Variants in GINS3 observed in about 807,000 individuals in gnomAD.
GINS3 encodes GINS complex subunit 3, also known as DNA replication complex GINS protein PSF3.
In GINS3, 18 loss-of-function variants were observed where a neutral mutation model predicts 20.0. That is an observed-to-expected ratio of 0.90 (90% CI 0.62 to 1.33). The LOEUF (loss-of-function observed/expected upper bound fraction) is 1.33. GINS3 is among the 40% of genes most tolerant of loss of function. The pLI is 0.00. For synonymous variants in GINS3, 109 were observed against 107.0 expected, an observed-to-expected ratio of 1.02 and a Z score of -0.12; for missense variants, 254 against 273.6, an observed-to-expected ratio of 0.93 and a Z score of 0.51.
At chr16:58,401,607 A>G (rs900278506) in intron 1 of GINS3, among the ~76,000 whole-genome samples, 4 of 152,248 alleles carry the variant, frequency 2.6e-5, no homozygotes, top group African/African-American at 9.7e-5. Context: ...AGCTAGATAC[A>G]GAGCACTGAT....
intron 1 of GINS3, among the ~76,000 whole-genome samples, chr16:58,394,372 G>A (rs1567534541): frequency 6.6e-6 from 1 of 151,930 alleles, no homozygotes; most frequent in African/African-American, 2.4e-5. Flanking sequence ...TTTTTGACAC[G>A]GAGTTACCCT....
chr16:58,403,224 A>T lies in GINS3; in HGVS notation c.313A>T (p.Asn105Tyr), dbSNP rs769209040. ...GAGGACTGTGTTCAGTGCAGATCCC[A>T]ATGTGGTGGACCTCCACAAAATGGG... ...GWRTVFSADP[N>Y]VVDLHKMGPH... is the part of the protein sequence containing the mutation. Residue 105 changes from asparagine (N) to tyrosine (Y), a missense_variant, in exon 2 of 3, where the codon AAT (asparagine) becomes TAT (tyrosine). Physicochemically the swap from Asn to Tyr is moderately radical, Grantham distance 143. Transcript: ENST00000318129. 21 of 1,614,010 alleles carry T rather than the reference A, an allele frequency of 1.3e-5. No individual in the cohort carries two copies. The highest frequency in any genetic ancestry group is 1.5e-5 in the Non-Finnish European group (18 of 1,180,028).
At chr16:58,393,434 G>C (rs1269982739) in intron 1 of GINS3, 1 of 152,202 alleles carries the variant, frequency 6.6e-6, no homozygotes, top group Non-Finnish European at 1.5e-5. Context: ...AACATGGCTT[G>C]TAATGATTAA....
In GINS3 at chr16:58,403,365, A is replaced by T. The variant is rs756321580; in HGVS notation, c.420+34A>T. 6 of 1,531,598 alleles carry T rather than the reference A, an allele frequency of 3.9e-6. No individual in the cohort carries two copies. In the Admixed American group the frequency reaches 8.5e-5, roughly 22 times the overall value. The allele number at this position is 1,531,598 out of a possible 1,614,324, so 94.9% of individuals were successfully genotyped here. The stretch of plus-strand genomic sequence containing the variant: ...TGGGTGTGAAAACCTGTGGTGCTGC[A>T]CTTGTCTCAAGAGCCAGCCACAGAT... On this transcript the variant is annotated intron_variant, in intron 2 of 2. Transcript: ENST00000318129.
intron 1 of GINS3, among the ~76,000 whole-genome samples, chr16:58,396,549 G>A (rs1965865110): frequency 1.3e-4 from 1 of 7,518 alleles, no homozygotes; most frequent in African/African-American, 8.9e-4. Flanking sequence ...GGACGGGGCG[G>A]CTGGTCGGGC....
chr16:58,402,900 C>G (rs980424864), intron 1 of GINS3, 198 bp from the exon 2 acceptor site: 1 of 580,522 alleles, frequency 1.7e-6, no homozygotes, highest in Non-Finnish European at 3.1e-6. Context: ...TCCATTTTCT[C>G]TCTCCATTCC....
intron 1 of GINS3, among the ~76,000 whole-genome samples, chr16:58,402,236 C>T (rs1012667536): frequency 2.6e-5 from 4 of 152,070 alleles, no homozygotes; most frequent in Admixed American, 6.6e-5. Context: ...CTGGAATTTC[C>T]ATTTGATTTC....
chr16:58,395,176 A>G (rs1270901938), intron 1 of GINS3: 3 of 427,184 alleles, frequency 7.0e-6, no homozygotes, highest in Non-Finnish European at 1.2e-5. Context: ...CCCAGGCTCC[A>G]GAGATCCTCC....
intron 1 of GINS3, among the ~76,000 whole-genome samples, chr16:58,401,234 G>A (rs140956426): frequency 0.012 from 1,831 of 152,194 alleles, 49 homozygotes; most frequent in African/African-American, 0.041. Context: ...AGATGTGTCC[G>A]GAGTTTCTTT....
At position 58,405,418 on chromosome 16, in the gene GINS3, A is replaced by C. The variant is rs993185476; in HGVS notation, c.*689A>C. On this transcript the variant is annotated 3_prime_UTR_variant, in exon 3 of 3. Coordinates refer to ENST00000318129, the MANE Select transcript of GINS3 (RefSeq NM_022770.4). Reference sequence around the variant, plus strand: ...AGTCAACCCAGAAGGGAAATGGTTAAACTGAGCTTGTTATTGCCTCGGAGA... The same window carrying C: ...AGTCAACCCAGAAGGGAAATGGTTACACTGAGCTTGTTATTGCCTCGGAGA... 3.9e-5 allele frequency: 6 copies of C among 152,284 alleles called. No homozygotes were observed. The highest frequency in any genetic ancestry group is 4.4e-5 in the Non-Finnish European group (3 of 68,088). The allele number at this position is 152,284 out of a possible 1,614,324, so 9.4% of individuals were successfully genotyped here.
In GINS3 at chr16:58,405,628, C is replaced by T. The variant is rs1402903645; in HGVS notation, c.*899C>T. On this transcript the variant is annotated 3_prime_UTR_variant, in exon 3 of 3. Transcript: ENST00000318129. ...ATCTAACATTGCAAGTGTAAATGGG[C>T]AAGAAGCCTCCGTTGTGCTTTTTTT... 6.6e-6 allele frequency: 1 copy of T among 152,192 alleles called. No homozygotes were observed. Among genetic ancestry groups the T allele is most frequent in the Non-Finnish European group, 1.5e-5 (1 of 68,030 alleles). 9.4% of individuals were successfully genotyped at this position (152,192 alleles called of 1,614,324 possible). A position where few individuals can be genotyped will look rare whatever the true frequency, so the allele number is the denominator to read the frequency against.
chr16:58,397,395 C>T (rs1174570004), intron 1 of GINS3, among the ~76,000 whole-genome samples: 1 of 146,408 alleles, frequency 6.8e-6, no homozygotes, highest in South Asian at 2.2e-4. Flanking sequence ...CCTCACTTCC[C>T]AGACGGGGTG....
At chr16:58,402,829 TGTTA>T (rs758295488) in intron 1 of GINS3, 11 of 509,024 alleles carry the variant, frequency 2.2e-5, no homozygotes, top group Middle Eastern at 5.3e-4. Context: ...AATTTTTATG[TGTTA>T]GTTAGAAAAC....
Position 58,404,810 on chromosome 16 carries a change from A to C in GINS3, c.*81A>C, listed in dbSNP as rs1966007811. 13 of 965,718 alleles carry C rather than the reference A, an allele frequency of 1.3e-5. No individual in the cohort carries two copies. The East Asian group carries it at 3.4e-4, about 25-fold the overall frequency. The allele number at this position is 965,718 out of a possible 1,614,324, so 59.8% of individuals were successfully genotyped here. On this transcript the variant is annotated 3_prime_UTR_variant, in exon 3 of 3. Transcript: ENST00000318129. ...ATAGGAGCTGGTTGACCTTGTACAG[A>C]ACCAGAATCCTGTCCCATTTCATGG... is the stretch of plus-strand genomic sequence containing the variant.
At chr16:58,399,277 A>AC (rs986140779) in intron 1 of GINS3, among the ~76,000 whole-genome samples, 7 of 148,448 alleles carry the variant, frequency 4.7e-5, no homozygotes, top group African/African-American at 1.8e-4. Flanking sequence ...ACAGAACAGG[A>AC]CCCCCTCTCT....
At chr16:58,401,132 T>C (rs948309232) in intron 1 of GINS3, among the ~76,000 whole-genome samples, 1 of 152,140 alleles carries the variant, frequency 6.6e-6, no homozygotes, top group African/African-American at 2.4e-5. Context: ...CTCGCTGGTC[T>C]CGCTGACTTC....
rs554811349 is a variant in GINS3, at chr16:58,403,496, C to T, written c.420+165C>T. The T allele has an allele frequency of 4.7e-3, 1,584 of 337,934 alleles. 11 individuals are homozygous for T. The highest frequency in any genetic ancestry group is 0.026 in the African/African-American group (1,221 of 47,802). The allele number at this position is 337,934 out of a possible 1,614,324, so 20.9% of individuals were successfully genotyped here. On this transcript the variant is annotated intron_variant, in intron 2 of 2. Transcript: ENST00000318129. ...TCCATTTTATATATTTACATATATA[C>T]ACACACACACACACACACACACACA...
In GINS3 at chr16:58,405,503, G is replaced by A. The variant is rs966719052; in HGVS notation, c.*774G>A. On this transcript the variant is annotated 3_prime_UTR_variant, in exon 3 of 3. Transcript: ENST00000318129. Reference sequence around the variant, plus strand: ...TGTCTAGAAAAGCTGTCAGGGAGTCGTTTGGAATTGCAATGTAGTTATTAA... The same window carrying A: ...TGTCTAGAAAAGCTGTCAGGGAGTCATTTGGAATTGCAATGTAGTTATTAA... 6 of 152,260 alleles carry A rather than the reference G, an allele frequency of 3.9e-5. No homozygotes were observed. Among genetic ancestry groups the A allele is most frequent in the Admixed American group, 2.6e-4 (4 of 15,298 alleles). The allele number at this position is 152,260 out of a possible 1,614,324, so 9.4% of individuals were successfully genotyped here. A position where few individuals can be genotyped will look rare whatever the true frequency, so the allele number is the denominator to read the frequency against.
At chr16:58,398,282 T>G (rs1965911237) in intron 1 of GINS3, among the ~76,000 whole-genome samples, 1 of 152,228 alleles carries the variant, frequency 6.6e-6, no homozygotes, top group Admixed American at 6.5e-5. Flanking sequence ...TTCATAAGTT[T>G]TGATGTGTTA....
Sources: gnomAD v4.1 joint callset for allele counts (sites outside exome capture counted in the v4.1 genomes callset) on GRCh38, gnomAD v4.1.1 for gene constraint, MANE v1.5 for transcripts, NCBI Gene and HGNC (gene_info 2026-07-23, HGNC 2026-07-21) for gene names.